The following ROBO3 variants were observed in gnomAD, a reference collection of about 807,000 sequenced individuals.
ROBO3 encodes roundabout homolog 3.
ROBO3 carries 97 observed loss-of-function variants against 160.5 expected under a neutral mutation model. The ratio of observed to expected loss-of-function variants is 0.60; its 90% CI spans 0.51 to 0.72. The LOEUF is 0.72. ROBO3 is among the 30% of genes least tolerant of loss of function. ROBO3 has a pLI of 0.00. For missense variants in ROBO3, 1,858 were observed against 1,846.5 expected, an observed-to-expected ratio of 1.01 and a Z score of -0.11; for synonymous variants, 780 against 746.2, an observed-to-expected ratio of 1.05 and a Z score of -0.74.
chr11:124,865,653 T>G lies in ROBO3; in HGVS notation c.76T>G (p.Ser26Ala), dbSNP rs368813617. The stretch of plus-strand genomic sequence containing the variant: ...CTCTCTGGCCGGGGACATCTCCAAC[T>G]CCAGCGAGCTGCTCTTGGGCTTCAA... The part of the protein sequence containing the change: ...ADSLAGDISN[S>A]SELLLGFNSS... Residue 26 changes from serine to alanine, a missense_variant, in exon 1 of 28, where the codon TCC (serine) becomes GCC (alanine). Ser to Ala is a moderately conservative substitution (Grantham distance 99). Coordinates refer to ENST00000397801, the MANE Select transcript of ROBO3 (RefSeq NM_022370.4). This position sits in a 1 kb window ranked among gnomAD's most constrained non-coding sequence, Gnocchi z 5.5. The G allele has an allele frequency of 9.9e-6, 16 of 1,612,682 alleles. No individual in the cohort carries two copies. Among genetic ancestry groups the G allele is most frequent in the Non-Finnish European group, 1.2e-5 (14 of 1,179,636 alleles).
Position 124,870,153 on chromosome 11 carries a change from A to G in ROBO3, c.767-12A>G. On this transcript the variant is annotated splice_polypyrimidine_tract_variant and intron_variant, in intron 4 of 27. Coordinates refer to ENST00000397801, the MANE Select transcript of ROBO3 (RefSeq NM_022370.4). Reference sequence around the variant, plus strand: ...CAGACACCCTGACTGTTCACTCACTACCACTCCATAGAGCGTCCCTCATTC... The same window carrying G: ...CAGACACCCTGACTGTTCACTCACTGCCACTCCATAGAGCGTCCCTCATTC... The G allele has an allele frequency of 6.2e-7, 1 of 1,613,996 alleles. No homozygotes were observed.
intron 27 of ROBO3, among the ~76,000 whole-genome samples, 194 bp from the exon 28 acceptor site, chr11:124,881,045 C>T (rs1454494968): frequency 6.6e-6 from 1 of 152,216 alleles, no homozygotes; most frequent in Middle Eastern, 3.4e-3. Flanking sequence ...CAGAGTGAGA[C>T]TCTGTCTCAA....
chr11:124,868,695 A>G, intron 1 of ROBO3, 107 bp from the exon 2 acceptor site: 1 of 1,158,454 alleles, frequency 8.6e-7, no homozygotes, highest in Non-Finnish European at 1.3e-6. Flanking sequence ...AGCTCCGCAG[A>G]GAAGCATAGG....
intron 6 of ROBO3, 123 bp downstream of exon 6, chr11:124,870,851 T>G (rs1393618571): frequency 5.9e-6 from 9 of 1,522,946 alleles, no homozygotes; most frequent in African/African-American, 2.7e-5. Context: ...CTGAGACTTC[T>G]GCAAGGAGTG....
At chr11:124,870,822 G>A in intron 6 of ROBO3, 94 bp downstream of exon 6, 1 of 1,556,274 alleles carries the variant, frequency 6.4e-7, no homozygotes, top group Non-Finnish European at 8.7e-7. Flanking sequence ...GGGCAGAGAA[G>A]GGCATGTGGA....
At position 124,876,270 on chromosome 11, in the gene ROBO3, C is replaced by T; in HGVS notation, c.2594-5C>T. On this transcript the variant is annotated splice_polypyrimidine_tract_variant and splice_region_variant and intron_variant, in intron 16 of 27. Coordinates refer to ENST00000397801, the MANE Select transcript of ROBO3 (RefSeq NM_022370.4). The surrounding 1 kb of genome is among the most constrained non-coding windows in gnomAD (Gnocchi z 5.3). ...CTCCTCCCCTCACTTCTCTGACCCCCACAGCGTCCCCGCCGGACCTGGAGC... is the reference window on the plus strand; with the variant it reads ...CTCCTCCCCTCACTTCTCTGACCCCTACAGCGTCCCCGCCGGACCTGGAGC... 1 of 1,477,336 alleles carries T rather than the reference C, an allele frequency of 6.8e-7. No individual in the cohort carries two copies. Among genetic ancestry groups the T allele is most frequent in the Non-Finnish European group, 8.9e-7 (1 of 1,125,754 alleles). 91.5% of individuals were successfully genotyped at this position (1,477,336 alleles called of 1,614,324 possible).
Position 124,876,869 on chromosome 11 carries a change from G to C in ROBO3, c.2780-292G>C. On this transcript the variant is annotated intron_variant, in intron 17 of 27. Transcript: ENST00000397801. The surrounding 1 kb of genome is among the most constrained non-coding windows in gnomAD (Gnocchi z 5.3). ...GGAAAGGCGGGGCCCGCTGAAAGAAGGCGATCCGAGTTCTGCTACTTCCTA... is the reference window on the plus strand; with the variant it reads ...GGAAAGGCGGGGCCCGCTGAAAGAACGCGATCCGAGTTCTGCTACTTCCTA... 1.7e-6 allele frequency: 1 copy of C among 574,976 alleles called. No individual in the cohort carries two copies. Among genetic ancestry groups the C allele is most frequent in the Non-Finnish European group, 3.1e-6 (1 of 323,572 alleles). The allele number at this position is 574,976 out of a possible 1,614,324, so 35.6% of individuals were successfully genotyped here. A position where few individuals can be genotyped will look rare whatever the true frequency, so the allele number is the denominator to read the frequency against.
At position 124,877,553 on chromosome 11, in the gene ROBO3, T is replaced by G. The variant is rs890809763; in HGVS notation, c.2881T>G (p.Trp961Gly). The G allele has an allele frequency of 4.4e-6, 7 of 1,601,782 alleles. No homozygotes were observed. The highest frequency in any genetic ancestry group is 6.0e-6 in the Non-Finnish European group (7 of 1,174,764). The change falls in exon 20 of 28, where the codon TGG (tryptophan) becomes GGG (glycine). Residue 961 changes from tryptophan (W) to glycine (G), a missense_variant. Trp to Gly is a radical substitution (Grantham distance 184, BLOSUM62 -2). Coordinates refer to ENST00000397801, the MANE Select transcript of ROBO3 (RefSeq NM_022370.4). ...PMGLGPAPYS[W>G]LADSWPHPSR... The stretch of plus-strand genomic sequence containing the variant: ...GGGCCTTGGCCCCGCCCCCTACTCA[T>G]GGCTGGCAGATTCGTGGCCCCACCC...
chr11:124,872,452 C>T lies in ROBO3; in HGVS notation c.1230C>T (p.Asn410=). 6.2e-7 allele frequency: 1 copy of T among 1,614,022 alleles called. No homozygotes were observed. The highest frequency in any genetic ancestry group is 8.5e-7 in the Non-Finnish European group (1 of 1,179,892). ...RFSVSPRGQL[N]ITAVQRGDAG... ...CAGTGTCTCCAAGAGGCCAACTTAACATCACCGCGGTGCAGCGTGGGGATG... is the reference window on the plus strand; with the variant it reads ...CAGTGTCTCCAAGAGGCCAACTTAATATCACCGCGGTGCAGCGTGGGGATG... The change falls in exon 8 of 28, where the codon AAC becomes AAT. Residue 410 remains asparagine, a synonymous_variant. Coordinates refer to ENST00000397801, the MANE Select transcript of ROBO3 (RefSeq NM_022370.4). The surrounding 1 kb of genome is among the most constrained non-coding windows in gnomAD (Gnocchi z 4.3).
At position 124,869,445 on chromosome 11, in the gene ROBO3, C is replaced by A. The variant is rs1565309121; in HGVS notation, c.488-5C>A. The A allele has an allele frequency of 6.6e-7, 1 of 1,505,518 alleles. No individual in the cohort carries two copies. The highest frequency in any genetic ancestry group is 1.2e-5 in the South Asian group (1 of 83,514). 93.3% of individuals were successfully genotyped at this position (1,505,518 alleles called of 1,614,324 possible). A position where few individuals can be genotyped will look rare whatever the true frequency, so the allele number is the denominator to read the frequency against. ...GCTTATTTCGCCCCCCACCGCCCCGCCCAGTCCTCCGTGATGATTTCCGGC... is the reference window on the plus strand; with the variant it reads ...GCTTATTTCGCCCCCCACCGCCCCGACCAGTCCTCCGTGATGATTTCCGGC... On this transcript the variant is annotated splice_polypyrimidine_tract_variant and splice_region_variant and intron_variant, in intron 2 of 27. Coordinates refer to ENST00000397801, the MANE Select transcript of ROBO3 (RefSeq NM_022370.4). The surrounding 1 kb of genome is among the most constrained non-coding windows in gnomAD (Gnocchi z 4.2).
intron 1 of ROBO3, 83 bp from the exon 2 acceptor site, chr11:124,868,719 A>G (rs778259643): frequency 1.9e-5 from 26 of 1,362,422 alleles, no homozygotes; most frequent in Non-Finnish European, 2.6e-5. Flanking sequence ...TGGAACGACC[A>G]GAGGATTCTC....
chr11:124,881,064 A>T (rs1946569855), intron 27 of ROBO3, among the ~76,000 whole-genome samples, 175 bp from the exon 28 acceptor site: 1 of 152,074 alleles, frequency 6.6e-6, no homozygotes, highest in Non-Finnish European at 1.5e-5. Flanking sequence ...AAACAAACAA[A>T]CAGACAAACA....
intron 20 of ROBO3, 35 bp downstream of exon 20, chr11:124,877,693 G>A (rs1413983893): frequency 2.5e-6 from 4 of 1,605,394 alleles, no homozygotes; most frequent in Non-Finnish European, 3.4e-6. Context: ...TGGCTTCAGC[G>A]CACTTCTCCC....
At position 124,869,427 on chromosome 11, in the gene ROBO3, TCGCCCCCCAC is replaced by T; in HGVS notation, c.488-16_488-7del. On this transcript the variant is annotated splice_polypyrimidine_tract_variant and intron_variant, in intron 2 of 27. Coordinates refer to ENST00000397801, the MANE Select transcript of ROBO3 (RefSeq NM_022370.4). The surrounding 1 kb of genome is among the most constrained non-coding windows in gnomAD (Gnocchi z 4.2). ...TATGTCACTCTACACCCTGCTTATT[TCGCCCCCCAC>T]CGCCCCGCCCAGTCCTCCGTGATGA... is the stretch of plus-strand genomic sequence containing the variant. The T allele has an allele frequency of 5.0e-6, 7 of 1,402,170 alleles. No individual in the cohort carries two copies. The highest frequency in any genetic ancestry group is 6.8e-6 in the Non-Finnish European group (7 of 1,030,018). 86.9% of individuals were successfully genotyped at this position (1,402,170 alleles called of 1,614,324 possible).
rs1366161758 is a variant in ROBO3 at position 124,881,457 on chromosome 11, T to C, written c.*207T>C. The C allele has an allele frequency of 1.7e-6, 1 of 579,470 alleles. No individual in the cohort carries two copies. Among genetic ancestry groups the C allele is most frequent in the Non-Finnish European group, 3.1e-6 (1 of 326,724 alleles). 35.9% of individuals were successfully genotyped at this position (579,470 alleles called of 1,614,324 possible). A position where few individuals can be genotyped will look rare whatever the true frequency, so the allele number is the denominator to read the frequency against. On this transcript the variant is annotated 3_prime_UTR_variant, in exon 28 of 28. Transcript: ENST00000397801. Reference sequence around the variant, plus strand: ...ATAAAAAACAAAACAATAAAAAGAGTCTGATCAGAGCCCAGGGCCCTGTCT... The same window carrying C: ...ATAAAAAACAAAACAATAAAAAGAGCCTGATCAGAGCCCAGGGCCCTGTCT...
At position 124,881,253 on chromosome 11, in the gene ROBO3, C is replaced by A; in HGVS notation, c.*3C>A. ...TCTCTCCCTAGGAACCAAGATGACC[C>A]TTGTTGGGGCATTGAGAATATCATG... On this transcript the variant is annotated 3_prime_UTR_variant, in exon 28 of 28. Coordinates refer to ENST00000397801, the MANE Select transcript of ROBO3 (RefSeq NM_022370.4). 6.2e-7 allele frequency: 1 copy of A among 1,604,024 alleles called. No homozygotes were observed. Among genetic ancestry groups the A allele is most frequent in the East Asian group, 2.2e-5 (1 of 44,648 alleles).
Position 124,869,441 on chromosome 11 carries a change from C to A in ROBO3, c.488-9C>A. 3 of 1,482,026 alleles carry A rather than the reference C, an allele frequency of 2.0e-6. No individual in the cohort carries two copies. Among genetic ancestry groups the A allele is most frequent in the Non-Finnish European group, 2.8e-6 (3 of 1,085,130 alleles). 91.8% of individuals were successfully genotyped at this position (1,482,026 alleles called of 1,614,324 possible). A position where few individuals can be genotyped will look rare whatever the true frequency, so the allele number is the denominator to read the frequency against. On this transcript the variant is annotated splice_polypyrimidine_tract_variant and intron_variant, in intron 2 of 27. Transcript: ENST00000397801. The surrounding 1 kb of genome is among the most constrained non-coding windows in gnomAD (Gnocchi z 4.2). ...CCCTGCTTATTTCGCCCCCCACCGC[C>A]CCGCCCAGTCCTCCGTGATGATTTC...
In ROBO3 at chr11:124,878,152, A is replaced by G. The variant is rs1946451291; in HGVS notation, c.3181+21A>G. 1 of 1,589,534 alleles carries G rather than the reference A, an allele frequency of 6.3e-7. No individual in the cohort carries two copies. The highest frequency in any genetic ancestry group is 8.6e-7 in the Non-Finnish European group (1 of 1,168,296). ...CAGTGGTATGACTCCAACTCCTGAA[A>G]CCCCGTTTAGCCCTGACCAGGGTAT... is the stretch of plus-strand genomic sequence containing the variant. On this transcript the variant is annotated intron_variant, in intron 21 of 27. Transcript: ENST00000397801. This position sits in a 1 kb window ranked among gnomAD's most constrained non-coding sequence, Gnocchi z 4.3.
chr11:124,876,082 C>A lies in ROBO3; in HGVS notation c.2550C>A (p.Ser850Arg), dbSNP rs558695027. ...GAACCCTGGTCGCGGCGGCCACCAG[C>A]GCAGGCGTGGGCGTGCCCAGTGCCC... ...LYRTLVAAAT[S>R]AGVGVPSAPV... The change falls in exon 16 of 28, where the codon AGC becomes AGA. Residue 850 changes from serine (S) to arginine (R), a missense_variant. Transcript: ENST00000397801. This position sits in a 1 kb window ranked among gnomAD's most constrained non-coding sequence, Gnocchi z 5.3. The A allele has an allele frequency of 2.5e-6, 4 of 1,609,128 alleles. No individual in the cohort carries two copies. Among genetic ancestry groups the A allele is most frequent in the South Asian group, 1.1e-5 (1 of 90,618 alleles).
Sources: gnomAD v4.1 joint callset for allele counts (sites outside exome capture counted in the v4.1 genomes callset) on GRCh38, gnomAD v4.1.1 for gene constraint, Gnocchi (gnomAD v3.1) non-coding constraint, MANE v1.5 for transcripts, NCBI Gene and HGNC (gene_info 2026-07-23, HGNC 2026-07-21) for gene names.